SHLD1: variants seen among roughly 807,000 people sequenced by gnomAD.
The protein encoded by SHLD1 is RINN1-REV7-interacting novel NHEJ regulator 3.
SHLD1 carries 3 observed loss-of-function variants against 5.5 expected under a neutral mutation model. The ratio of observed to expected loss-of-function variants is 0.54; its 90% CI spans 0.25 to 1.40. The LOEUF (loss-of-function observed/expected upper bound fraction) is 1.40, where lower values mean the gene tolerates loss of function less well. Among genes scored for constraint, SHLD1 ranks in the 40% most tolerant of loss-of-function variants. The pLI, the probability that SHLD1 is intolerant of heterozygous loss-of-function variation, is 0.15. For synonymous variants in SHLD1, 92 were observed against 94.3 expected, an observed-to-expected ratio of 0.98 and a Z score of 0.14; for missense variants, 210 against 244.4, an observed-to-expected ratio of 0.86 and a Z score of 0.94.
chr20:5,833,155 G>T (rs1467596935), intron 2 of SHLD1, among the ~76,000 whole-genome samples: 1 of 152,104 alleles, frequency 6.6e-6, no homozygotes, highest in African/African-American at 2.4e-5. Flanking sequence ...TCCTAAAATA[G>T]ACTCCTCGGC....
intron 2 of SHLD1, among the ~76,000 whole-genome samples, chr20:5,850,104 C>A (rs896087327): frequency 4.6e-4 from 55 of 120,058 alleles, no homozygotes; most frequent in Non-Finnish European, 8.6e-4. Context: ...CACAGCAAGA[C>A]CCCGTCTCAA....
At chr20:5,790,188 C>G (rs1315377898) in intron 2 of SHLD1, among the ~76,000 whole-genome samples, 1 of 152,144 alleles carries the variant, frequency 6.6e-6, no homozygotes, top group African/African-American at 2.4e-5. Context: ...ATCCCACTAC[C>G]TCAGACAGCC....
At chr20:5,752,605 A>C (rs373613856) in intron 1 of SHLD1, among the ~76,000 whole-genome samples, 45 of 143,858 alleles carry the variant, frequency 3.1e-4, no homozygotes, top group African/African-American at 1.2e-3. Context: ...TCAAAGAAAT[A>C]TATTTTGGGG....
At chr20:5,850,324 G>A (rs1273581664) in intron 2 of SHLD1, among the ~76,000 whole-genome samples, 3 of 151,574 alleles carry the variant, frequency 2.0e-5, no homozygotes, top group African/African-American at 7.3e-5. Context: ...GCCCTCCAGA[G>A]CCTAACCCCA....
chr20:5,779,972 G>GGTT (rs1985613424), intron 2 of SHLD1, among the ~76,000 whole-genome samples: 1 of 81,786 alleles, frequency 1.2e-5, no homozygotes, highest in African/African-American at 4.9e-5. Context: ...TACAATTTCT[G>GGTT]TTTTTTTTTT....
chr20:5,773,814 C>T (rs1284871694), intron 2 of SHLD1, among the ~76,000 whole-genome samples: 1 of 152,068 alleles, frequency 6.6e-6, no homozygotes, highest in Non-Finnish European at 1.5e-5. Context: ...CTTGCTCCAC[C>T]CAGTCAGGTT....
intron 1 of SHLD1, among the ~76,000 whole-genome samples, chr20:5,765,450 A>G (rs1254785523): frequency 6.6e-6 from 1 of 151,692 alleles, no homozygotes; most frequent in African/African-American, 2.4e-5. Context: ...GGGTTTCACC[A>G]TATTGGCCGG....
intron 1 of SHLD1, among the ~76,000 whole-genome samples, chr20:5,763,946 TAAAAAAA>T (rs1233102331): frequency 5.7e-5 from 4 of 70,176 alleles, no homozygotes; most frequent in Non-Finnish European, 1.0e-4. Context: ...CCGTCTTTAC[TAAAAAAA>T]AAAAAAAAAA....
At chr20:5,857,013 A>T (rs974153482) in intron 2 of SHLD1, among the ~76,000 whole-genome samples, 15 of 152,080 alleles carry the variant, frequency 9.9e-5, no homozygotes, top group Admixed American at 8.5e-4. Flanking sequence ...ACAGAGTCTC[A>T]CTCTGTCGCC....
chr20:5,806,765 A>G lies in SHLD1; in HGVS notation c.178+33722A>G, dbSNP rs565259475. Among the ~76,000 whole-genome samples, 2 of 152,270 alleles carry G rather than the reference A, an allele frequency of 1.3e-5. No individual in the cohort carries two copies. Among genetic ancestry groups the G allele is most frequent in the South Asian group, 4.2e-4 (2 of 4,816 alleles). ...TGCACTGATCAGTTAAGATACCAAC[A>G]TTTCTTATTTACATCCTGTGTTGTT... On this transcript the variant is annotated intron_variant, in intron 2 of 2. Coordinates refer to ENST00000303142, the MANE Select transcript of SHLD1 (RefSeq NM_152504.4). This position sits in a 1 kb window ranked among gnomAD's most constrained non-coding sequence, Gnocchi z 7.6.
intron 2 of SHLD1, among the ~76,000 whole-genome samples, chr20:5,838,849 A>G (rs1477737376): frequency 1.3e-5 from 2 of 152,218 alleles, no homozygotes; most frequent in Non-Finnish European, 2.9e-5. Context: ...TGTCACTGAT[A>G]GTTTGATGTG....
intron 2 of SHLD1, among the ~76,000 whole-genome samples, chr20:5,825,366 C>G (rs1390058134): frequency 6.6e-6 from 1 of 152,222 alleles, no homozygotes; most frequent in Non-Finnish European, 1.5e-5. Context: ...TTTCTAAGAG[C>G]TGGTTAATGG....
At chr20:5,800,624 G>T (rs1276075683) in intron 2 of SHLD1, among the ~76,000 whole-genome samples, 1 of 152,044 alleles carries the variant, frequency 6.6e-6, no homozygotes, top group Non-Finnish European at 1.5e-5. Flanking sequence ...TGGGGCGGAG[G>T]TTGCAGTGAG....
chr20:5,784,502 G>C (rs553488224), intron 2 of SHLD1, among the ~76,000 whole-genome samples: 2 of 151,908 alleles, frequency 1.3e-5, no homozygotes, highest in African/African-American at 2.4e-5. Flanking sequence ...CCAGGCTGGA[G>C]TGCAGTGGCG....
intron 2 of SHLD1, among the ~76,000 whole-genome samples, chr20:5,816,483 G>A (rs1023803581): frequency 6.6e-6 from 1 of 152,192 alleles, no homozygotes; most frequent in African/African-American, 2.4e-5. Context: ...GGGTAAACAA[G>A]GGGCAGTGTG....
chr20:5,826,327 G>A (rs1007388056), intron 2 of SHLD1, among the ~76,000 whole-genome samples: 1 of 151,604 alleles, frequency 6.6e-6, no homozygotes, highest in Non-Finnish European at 1.5e-5. Context: ...TTTTTATAAT[G>A]TGAAGTTCTT....
chr20:5,861,899 G>T (rs186204959), intron 2 of SHLD1, among the ~76,000 whole-genome samples: 8 of 152,230 alleles, frequency 5.3e-5, no homozygotes, highest in African/African-American at 1.7e-4. Flanking sequence ...AGGGTCAGGC[G>T]TGGAGGTCCA....
At chr20:5,830,989 C>T (rs1056452102) in intron 2 of SHLD1, among the ~76,000 whole-genome samples, 10 of 151,658 alleles carry the variant, frequency 6.6e-5, no homozygotes, top group Non-Finnish European at 1.2e-4. Flanking sequence ...GATATACGCA[C>T]GTTATAATTT....
At chr20:5,792,505 T>TG (rs1435347841) in intron 2 of SHLD1, among the ~76,000 whole-genome samples, 1 of 152,040 alleles carries the variant, frequency 6.6e-6, no homozygotes, top group Non-Finnish European at 1.5e-5. Context: ...CTGCAACCTC[T>TG]GCTTCCTGGG....
Sources: allele counts gnomAD v4.1 joint callset (sites outside exome capture counted in the v4.1 genomes callset), GRCh38; gene constraint gnomAD v4.1.1; non-coding constraint Gnocchi (gnomAD v3.1); transcripts MANE v1.5; gene names NCBI Gene and HGNC (gene_info 2026-07-23, HGNC 2026-07-21).